Variants in TLE3 observed in about 807,000 individuals in gnomAD.
TLE3 encodes the protein transducin-like enhancer protein 3.
A neutral mutation model predicts 93.0 loss-of-function variants in TLE3; 14 were observed. That is an observed-to-expected ratio of 0.15 (90% confidence interval 0.10 to 0.24). The LOEUF is 0.24. Ranked by LOEUF, TLE3 falls within the 10% of genes least tolerant of loss-of-function variation. TLE3 has a pLI of 1.00. For synonymous variants in TLE3, 451 were observed against 425.0 expected, an observed-to-expected ratio of 1.06 and a Z score of -0.75; for missense variants, 693 against 1,046.6, an observed-to-expected ratio of 0.66 and a Z score of 4.66.
chr15:70,072,553 A>G (rs953966015), intron 6 of TLE3, among the ~76,000 whole-genome samples: 2 of 152,260 alleles, frequency 1.3e-5, no homozygotes, highest in East Asian at 3.8e-4. Context: ...CAGATGACAC[A>G]GGCCACCCTC....
Position 70,049,382 on chromosome 15 carries a change from G to A in TLE3, c.*715C>T, listed in dbSNP as rs188584866. ...CAGTCCGGATGCCCAGACCCGTGTG[G>A]AGGCACACGCATTCCAGCAGGCACC... On this transcript the variant is annotated 3_prime_UTR_variant, in exon 20 of 20. Transcript: ENST00000451782. 6.6e-6 allele frequency: 1 copy of A among 152,336 alleles called. No homozygotes were observed. Among genetic ancestry groups the A allele is most frequent in the Admixed American group, 6.5e-5 (1 of 15,306 alleles). 9.4% of individuals were successfully genotyped at this position (152,336 alleles called of 1,614,324 possible).
chr15:70,053,366 T>C lies in TLE3; in HGVS notation c.1835A>G (p.Gln612Arg). 6.2e-7 allele frequency: 1 copy of C among 1,602,206 alleles called. No individual in the cohort carries two copies. The highest frequency in any genetic ancestry group is 1.1e-5 in the South Asian group (1 of 89,490). Reference protein sequence around the residue: ...LHNQTLVRQFQGHTDGASCID... With the variant: ...LHNQTLVRQFRGHTDGASCID... The stretch of plus-strand genomic sequence containing the variant: ...GCAGCTGGCCCCATCTGTGTGGCCC[T>C]GGAACTGCCTACGAAAGCCAAGCAG... The change falls in exon 17 of 20, where the codon CAG (glutamine) becomes CGG (arginine). Residue 612 changes from glutamine to arginine, a missense_variant. By Grantham distance (43) the Gln-to-Arg change is conservative (BLOSUM62 1). Transcript: ENST00000451782.
chr15:70,056,161 G>T, intron 14 of TLE3, 137 bp downstream of exon 14: 1 of 962,646 alleles, frequency 1.0e-6, no homozygotes, highest in Non-Finnish European at 1.6e-6. Context: ...GCCTCTAGAG[G>T]GACAGATACC....
intron 8 of TLE3, among the ~76,000 whole-genome samples, chr15:70,063,444 G>A (rs1037418472): frequency 6.6e-5 from 10 of 152,166 alleles, no homozygotes; most frequent in African/African-American, 2.4e-4. Flanking sequence ...GGCCACGGAC[G>A]CCAGCCTCAC....
At chr15:70,056,222 C>T (rs1272449150) in intron 14 of TLE3, 76 bp downstream of exon 14, 9 of 1,458,764 alleles carry the variant, frequency 6.2e-6, no homozygotes, top group African/African-American at 1.4e-5. Flanking sequence ...GGATGAGGGG[C>T]GTTGTTGGAA....
intron 16 of TLE3, chr15:70,054,142 C>T (rs1049146634): frequency 1.3e-5 from 4 of 315,312 alleles, no homozygotes; most frequent in African/African-American, 2.1e-5. Context: ...GTCTCTGGGG[C>T]TCTGCTCCCA....
In TLE3 at chr15:70,076,173, A is replaced by G. The variant is rs2057433113; in HGVS notation, c.235-15T>C. Reference sequence around the variant, plus strand: ...GCAATCTCTGTCTGCAAAGGCAAGGAGACCACATGAAGCTCAGGCAAATAA... The same window carrying G: ...GCAATCTCTGTCTGCAAAGGCAAGGGGACCACATGAAGCTCAGGCAAATAA... On this transcript the variant is annotated splice_polypyrimidine_tract_variant and intron_variant, in intron 4 of 19. Transcript: ENST00000451782. The G allele has an allele frequency of 6.2e-7, 1 of 1,613,576 alleles. No individual in the cohort carries two copies. The highest frequency in any genetic ancestry group is 1.1e-5 in the South Asian group (1 of 91,078).
chr15:70,082,873 TCTGGGGTTG>T (rs1205930059), intron 4 of TLE3, among the ~76,000 whole-genome samples: 1 of 152,194 alleles, frequency 6.6e-6, no homozygotes, highest in African/African-American at 2.4e-5. Context: ...GGCAAGGGAC[TCTGGGGTTG>T]CTGGGGTTGG....
chr15:70,066,086 G>T lies in TLE3; in HGVS notation c.505C>A (p.Leu169Met). ...TGGGCCTGGCTGCCCAGGGCGCCCA[G>T]TGCCAGCAGCCCGGAGCTGCTCCCT... ...VTGSSSGLLALGALGSQAHLT... is the reference protein window; with the variant it reads ...VTGSSSGLLAMGALGSQAHLT... Residue 169 changes from leucine (L) to methionine (M), a missense_variant, in exon 7 of 20, where the codon CTG becomes ATG. By Grantham distance (15) the Leu-to-Met change is conservative (BLOSUM62 2). Transcript: ENST00000451782. 1 of 1,596,692 alleles carries T rather than the reference G, an allele frequency of 6.3e-7. No homozygotes were observed. The highest frequency in any genetic ancestry group is 8.5e-7 in the Non-Finnish European group (1 of 1,171,162).
chr15:70,095,516 C>T (rs2058511754), intron 3 of TLE3, 62 bp downstream of exon 3: 1 of 1,546,634 alleles, frequency 6.5e-7, no homozygotes, highest in African/African-American at 1.4e-5. Flanking sequence ...CCCAGATCCA[C>T]GCCGCGCCCC....
rs564390738 is a variant in TLE3, at chr15:70,091,064, T to G, written c.234+3468A>C. Among the ~76,000 whole-genome samples the G allele has an allele frequency of 1.1e-3, 174 of 152,366 alleles. 5 individuals carry two copies. The South Asian group carries it at 0.035, about 30-fold the overall frequency. The stretch of plus-strand genomic sequence containing the variant: ...AGCAGCTTTACCACTAACGTGGGAC[T>G]GTATGACTGAGTACATAAGCTTCCC... On this transcript the variant is annotated intron_variant, in intron 4 of 19. Coordinates refer to ENST00000451782, the MANE Select transcript of TLE3 (RefSeq NM_001105192.3).
rs150202392 is a variant in TLE3 at position 70,051,158 on chromosome 15, T to G, written c.2202+233A>C. ...CGCCCCGGCTTAGAAGCCCTTGCCC[T>G]CGGGGGTCAGAAGCCATCAGTAGCA... On this transcript the variant is annotated intron_variant, in intron 19 of 19. Coordinates refer to ENST00000451782, the MANE Select transcript of TLE3 (RefSeq NM_001105192.3). 1.3e-3 allele frequency: 515 copies of G among 399,658 alleles called. 1 individual carries two copies. The highest frequency in any genetic ancestry group is 0.01 in the African/African-American group (485 of 48,240). The allele number at this position is 399,658 out of a possible 1,614,324, so 24.8% of individuals were successfully genotyped here.
At chr15:70,053,100 G>C (rs2055693685) in intron 17 of TLE3, 127 bp downstream of exon 17, 1 of 1,267,760 alleles carries the variant, frequency 7.9e-7, no homozygotes, top group South Asian at 1.6e-5. Flanking sequence ...AGATGGCTCA[G>C]GTTGGTCCCA....
intron 16 of TLE3, chr15:70,054,219 C>G (rs1024389703): frequency 7.1e-5 from 40 of 566,660 alleles, no homozygotes; most frequent in African/African-American, 6.4e-4. Flanking sequence ...CACTTTCTTC[C>G]CAGAGCCCTC....
At chr15:70,095,339 A>G (rs1177319010) in intron 3 of TLE3, 1 of 1,424,862 alleles carries the variant, frequency 7.0e-7, no homozygotes, top group African/African-American at 1.5e-5. Flanking sequence ...ATAGTACAGA[A>G]GTCTCCGGCC....
intron 14 of TLE3, 56 bp downstream of exon 14, chr15:70,056,242 G>T: frequency 6.4e-7 from 1 of 1,564,568 alleles, no homozygotes; most frequent in Non-Finnish European, 8.8e-7. Flanking sequence ...ATTGGGGGTA[G>T]AGTGCTCTCT....
rs1349028886 is a variant in TLE3, at chr15:70,048,140, C to CG, written c.*1956dup. ...AGCAACAGTGGCCTGGCTGTTTTCC[C>CG]GGGGGGCGGGGGGCGGGACTGGCAA... On this transcript the variant is annotated 3_prime_UTR_variant, in exon 20 of 20. Transcript: ENST00000451782. The CG allele has an allele frequency of 2.6e-5, 3 of 117,286 alleles. No individual in the cohort carries two copies. Among genetic ancestry groups the CG allele is most frequent in the South Asian group, 2.8e-4 (1 of 3,570 alleles). The allele number at this position is 117,286 out of a possible 1,614,324, so 7.3% of individuals were successfully genotyped here.
At chr15:70,051,984 G>A (rs960772382) in intron 18 of TLE3, among the ~76,000 whole-genome samples, 2 of 152,160 alleles carry the variant, frequency 1.3e-5, no homozygotes, top group South Asian at 2.1e-4. Flanking sequence ...GTTCAGAGAG[G>A]GTGAGATGTT....
chr15:70,049,390 C>G lies in TLE3; in HGVS notation c.*707G>C, dbSNP rs1258419110. On this transcript the variant is annotated 3_prime_UTR_variant, in exon 20 of 20. Coordinates refer to ENST00000451782, the MANE Select transcript of TLE3 (RefSeq NM_001105192.3). ...ATGCCCAGACCCGTGTGGAGGCACACGCATTCCAGCAGGCACCTTACGGCC... is the reference window on the plus strand; with the variant it reads ...ATGCCCAGACCCGTGTGGAGGCACAGGCATTCCAGCAGGCACCTTACGGCC... The G allele has an allele frequency of 1.3e-5, 2 of 152,156 alleles. No homozygotes were observed. The highest frequency in any genetic ancestry group is 4.8e-5 in the African/African-American group (2 of 41,426). The allele number at this position is 152,156 out of a possible 1,614,324, so 9.4% of individuals were successfully genotyped here.
Sources: allele counts gnomAD v4.1 joint callset (sites outside exome capture counted in the v4.1 genomes callset), GRCh38; gene constraint gnomAD v4.1.1; transcripts MANE v1.5; gene names NCBI Gene and HGNC (gene_info 2026-07-23, HGNC 2026-07-21).